The following PLCB4 variants were observed in gnomAD, a reference collection of about 807,000 sequenced individuals.
PLCB4 encodes phospholipase C beta 4, also known as 1-phosphatidylinositol 4,5-bisphosphate phosphodiesterase beta-4.
In PLCB4, 77 loss-of-function variants were observed where a neutral mutation model predicts 178.8. The observed-to-expected ratio is 0.43, with a 90% CI of 0.36 to 0.52. The LOEUF is 0.52. Ranked by LOEUF, PLCB4 falls within the 20% of genes least tolerant of loss-of-function variation. PLCB4 has a pLI of 0.00. For synonymous variants in PLCB4, 496 were observed against 490.8 expected (o/e 1.01, Z -0.14); for missense variants, 1,024 against 1,453.4 (o/e 0.70, Z 4.80).
intron 3 of PLCB4, among the ~76,000 whole-genome samples, chr20:9,247,161 G>T (rs2147456725): frequency 6.6e-6 from 1 of 152,222 alleles, no homozygotes; most frequent in Middle Eastern, 3.4e-3. Context: ...ACTGTAGTTT[G>T]TTGCCAATGC....
At chr20:9,358,690 T>A (rs1215008876) in intron 7 of PLCB4, among the ~76,000 whole-genome samples, 1 of 151,288 alleles carries the variant, frequency 6.6e-6, no homozygotes, top group Non-Finnish European at 1.5e-5. Context: ...AGGTCAGGAG[T>A]TCAACACACC....
At chr20:9,287,519 A>G (rs2094545831) in intron 3 of PLCB4, among the ~76,000 whole-genome samples, 1 of 152,070 alleles carries the variant, frequency 6.6e-6, no homozygotes, top group Non-Finnish European at 1.5e-5. Context: ...ATAAGCAATG[A>G]TTCCATTTTC....
chr20:9,370,956 G>A (rs1467222293), intron 9 of PLCB4: 4 of 385,076 alleles, frequency 1.0e-5, no homozygotes, highest in African/African-American at 8.2e-5. Flanking sequence ...AGTGCCGCTT[G>A]CCCCTTGTTC....
chr20:9,325,509 C>T (rs1019539816), intron 4 of PLCB4, among the ~76,000 whole-genome samples: 1 of 152,172 alleles, frequency 6.6e-6, no homozygotes, highest in African/African-American at 2.4e-5. Context: ...AGGGAACCCT[C>T]CCAGAATCTG....
intron 28 of PLCB4, among the ~76,000 whole-genome samples, chr20:9,427,832 A>G (rs1020503415): frequency 2.0e-5 from 3 of 152,208 alleles, no homozygotes; most frequent in African/African-American, 4.8e-5. Flanking sequence ...TCCGAAATCT[A>G]TGGAGCCTCA....
intron 3 of PLCB4, among the ~76,000 whole-genome samples, chr20:9,247,041 C>G (rs1275264241): frequency 6.6e-6 from 1 of 152,004 alleles, no homozygotes; most frequent in Non-Finnish European, 1.5e-5. Context: ...ACTATTATTT[C>G]AAAGTAGTGA....
chr20:9,420,156 A>G (rs1347054914), intron 26 of PLCB4, among the ~76,000 whole-genome samples: 3 of 152,136 alleles, frequency 2.0e-5, no homozygotes, highest in African/African-American at 7.2e-5. Context: ...ATTCTAGAAA[A>G]TGCAAATTAT....
intron 2 of PLCB4, among the ~76,000 whole-genome samples, chr20:9,185,996 G>A (rs548185699): frequency 6.6e-6 from 1 of 152,080 alleles, no homozygotes; most frequent in Non-Finnish European, 1.5e-5. Flanking sequence ...CATGTTTAGC[G>A]TTTACTGCCT....
At position 9,156,828 on chromosome 20, in the gene PLCB4, C is replaced by T. The variant is rs866604027; in HGVS notation, c.-79+60486C>T. ...TGTTGGTTACAGGGTTGCCTCCCTC[C>T]CTCCCTCCCTCCCTCCCTCCCTCCC... is the stretch of plus-strand genomic sequence containing the variant. On this transcript the variant is annotated intron_variant, in intron 2 of 39. Transcript: ENST00000378473. 1.0e-3 allele frequency among the ~76,000 whole-genome samples: 69 copies of T among 66,086 alleles called. 2 individuals carry two copies. The highest frequency in any genetic ancestry group is 6.0e-3 in the Middle Eastern group (1 of 166). 43.4% of individuals were successfully genotyped at this position (66,086 alleles called of 152,430 possible).
intron 4 of PLCB4, among the ~76,000 whole-genome samples, chr20:9,330,758 A>G (rs758315598): frequency 6.6e-6 from 1 of 152,204 alleles, no homozygotes; most frequent in Non-Finnish European, 1.5e-5. Context: ...GCTCATGGTG[A>G]ACGTATTGGG....
At chr20:9,265,411 A>C (rs1434266150) in intron 3 of PLCB4, among the ~76,000 whole-genome samples, 1 of 152,118 alleles carries the variant, frequency 6.6e-6, no homozygotes, top group Non-Finnish European at 1.5e-5. Context: ...TGAACCCCGG[A>C]GGTAAAGGTT....
intron 2 of PLCB4, among the ~76,000 whole-genome samples, chr20:9,147,452 A>G (rs538371857): frequency 6.6e-6 from 1 of 152,118 alleles, no homozygotes; most frequent in Non-Finnish European, 1.5e-5. Context: ...TTAGCCTGTA[A>G]GTTTCGGGGG....
chr20:9,235,562 A>G (rs1175816948), intron 3 of PLCB4, among the ~76,000 whole-genome samples: 1 of 152,194 alleles, frequency 6.6e-6, no homozygotes, highest in South Asian at 2.1e-4. Flanking sequence ...CCCGCTTTCA[A>G]AAATCTCAGA....
intron 34 of PLCB4, among the ~76,000 whole-genome samples, chr20:9,458,134 A>G (rs2043168730): frequency 6.6e-6 from 1 of 152,204 alleles, no homozygotes; most frequent in Non-Finnish European, 1.5e-5. Context: ...TGTTAAAGAA[A>G]GCTCCCAAAA....
intron 2 of PLCB4, among the ~76,000 whole-genome samples, chr20:9,112,124 TAAC>T (rs1356825285): frequency 6.6e-6 from 1 of 152,188 alleles, no homozygotes; most frequent in Non-Finnish European, 1.5e-5. Flanking sequence ...TAGCATTTCA[TAAC>T]AACTGTGACC....
intron 3 of PLCB4, among the ~76,000 whole-genome samples, chr20:9,255,524 G>C (rs1569026287): frequency 7.6e-6 from 1 of 132,116 alleles, no homozygotes. Flanking sequence ...TTTGAACTTA[G>C]TTTTTTTTTT....
At chr20:9,243,144 A>T (rs150037254) in intron 3 of PLCB4, among the ~76,000 whole-genome samples, 4 of 152,286 alleles carry the variant, frequency 2.6e-5, no homozygotes, top group African/African-American at 9.6e-5. Flanking sequence ...TCTGTATTTT[A>T]CCTGGCAGCC....
chr20:9,454,663 T>A (rs1389467707), intron 33 of PLCB4, among the ~76,000 whole-genome samples: 4 of 152,226 alleles, frequency 2.6e-5, no homozygotes, highest in Non-Finnish European at 5.9e-5. Flanking sequence ...AGTTATAATT[T>A]TCTTGGACAT....
chr20:9,429,296 C>T (rs566397001), intron 28 of PLCB4, among the ~76,000 whole-genome samples: 1 of 152,102 alleles, frequency 6.6e-6, no homozygotes, highest in Admixed American at 6.5e-5. Flanking sequence ...GTGGCTCCCC[C>T]CAGCAAGGCC....
Sources: allele counts gnomAD v4.1 joint callset (sites outside exome capture counted in the v4.1 genomes callset), GRCh38; gene constraint gnomAD v4.1.1; transcripts MANE v1.5; gene names NCBI Gene and HGNC (gene_info 2026-07-23, HGNC 2026-07-21).